Variants in SEC14L5 observed in about 807,000 individuals in gnomAD.
SEC14L5 encodes SEC14-like protein 5.
Under a neutral mutation model 84.6 loss-of-function variants are expected in SEC14L5, and 96 were observed. That is an observed-to-expected ratio of 1.13 (90% CI 0.96 to 1.34). The LOEUF is 1.34. Among genes scored for constraint, SEC14L5 ranks in the 40% most tolerant of loss-of-function variants. The pLI is 0.00. For synonymous variants in SEC14L5, 546 were observed against 383.4 expected, an observed-to-expected ratio of 1.42 and a Z score of -4.95; for missense variants, 1,224 against 942.5, an observed-to-expected ratio of 1.30 and a Z score of -3.91.
At chr16:4,966,845 G>A (rs1350125159) in intron 2 of SEC14L5, among the ~76,000 whole-genome samples, 1 of 152,214 alleles carries the variant, frequency 6.6e-6, no homozygotes, top group Non-Finnish European at 1.5e-5. Context: ...CCCAGCGGAG[G>A]CAGTTACCAT....
rs751564711 is a variant in SEC14L5, at chr16:5,011,236, C to G, written c.1942C>G (p.Leu648Val). 17 of 1,613,904 alleles carry G rather than the reference C, an allele frequency of 1.1e-5. No homozygotes were observed. The highest frequency in any genetic ancestry group is 1.4e-5 in the Non-Finnish European group (17 of 1,179,874). ...CAGCCCCGGGCCCAAGTGCAAACTT[C>G]TCTACTACTGTGAGGTGCTCGCCTC... ...LHSPGPKCKL[L>V]YYCEVLASED... The change falls in exon 15 of 16, where the codon CTC becomes GTC. Residue 648 changes from leucine (L) to valine (V), a missense_variant. Coordinates refer to ENST00000251170, the MANE Select transcript of SEC14L5 (RefSeq NM_014692.2).
chr16:5,014,820 C>A, intron 15 of SEC14L5, 39 bp from the exon 16 acceptor site: 2 of 1,515,760 alleles, frequency 1.3e-6, no homozygotes, highest in Non-Finnish European at 1.8e-6. Context: ...GGCCTTGTCA[C>A]TGTGAGAGGG....
rs538922508 is a variant in SEC14L5, at chr16:4,970,372, A to G, written c.63+10986A>G. Among the ~76,000 whole-genome samples the G allele has an allele frequency of 2.0e-5, 3 of 152,234 alleles. No individual in the cohort carries two copies. In the East Asian group the frequency reaches 5.8e-4, roughly 29 times the overall value. On this transcript the variant is annotated intron_variant, in intron 2 of 15. Transcript: ENST00000251170. ...CCTATGCAAAGGCCAATGGGGCAGA[A>G]CTTGTCTCTCAAAGAAGTGAACTAG...
intron 14 of SEC14L5, chr16:5,010,856 C>G (rs1955791666): frequency 6.1e-6 from 3 of 495,576 alleles, no homozygotes; most frequent in Non-Finnish European, 1.1e-5. Context: ...ACCCCCACCC[C>G]CAGGCGTCAG....
rs1466170154 is a variant in SEC14L5, at chr16:5,015,249, A to T, written c.*279A>T. On this transcript the variant is annotated 3_prime_UTR_variant, in exon 16 of 16. Coordinates refer to ENST00000251170, the MANE Select transcript of SEC14L5 (RefSeq NM_014692.2). ...GTGTCTACCATACCACACCTTTGGG[A>T]CATCCGGGCTTAGCGACGTCAGCCA... is the stretch of plus-strand genomic sequence containing the variant. 2.4e-6 allele frequency: 1 copy of T among 409,668 alleles called. No individual in the cohort carries two copies. The highest frequency in any genetic ancestry group is 2.0e-5 in the African/African-American group (1 of 50,058). The allele number at this position is 409,668 out of a possible 1,614,324, so 25.4% of individuals were successfully genotyped here.
chr16:4,997,024 G>C lies in SEC14L5; in HGVS notation c.950G>C (p.Gly317Ala), dbSNP rs764450682. 1.2e-6 allele frequency: 2 copies of C among 1,611,264 alleles called. No homozygotes were observed. Among genetic ancestry groups the C allele is most frequent in the African/African-American group, 2.7e-5 (2 of 74,830 alleles). Residue 317 changes from glycine (G) to alanine (A), a missense_variant, in exon 8 of 16, where the codon GGC (glycine) becomes GCC (alanine). Physicochemically the swap from Gly to Ala is moderately conservative, Grantham distance 60 (BLOSUM62 0). Coordinates refer to ENST00000251170, the MANE Select transcript of SEC14L5 (RefSeq NM_014692.2). ...PALLEEFYAGGWHYQDIDGRP... is the reference protein window; with the variant it reads ...PALLEEFYAGAWHYQDIDGRP... ...CTGCTGGAGGAGTTCTATGCAGGGG[G>C]CTGGCATTACCAGGACATAGGTGCG...
intron 2 of SEC14L5, among the ~76,000 whole-genome samples, chr16:4,969,993 T>A (rs1479568639): frequency 6.6e-6 from 1 of 152,086 alleles, no homozygotes; most frequent in African/African-American, 2.4e-5. Context: ...AATGTTTGTA[T>A]CTTTTGTATA....
intron 10 of SEC14L5, among the ~76,000 whole-genome samples, chr16:5,001,480 C>T (rs569349627): frequency 2.2e-4 from 33 of 152,068 alleles, no homozygotes; most frequent in Non-Finnish European, 3.8e-4. Flanking sequence ...AGAATGGTCT[C>T]GGTCTCCTGA....
chr16:4,964,354 C>T (rs897393042), intron 2 of SEC14L5, among the ~76,000 whole-genome samples: 10 of 151,892 alleles, frequency 6.6e-5, no homozygotes, highest in African/African-American at 1.9e-4. Context: ...TTTGGGAGGC[C>T]GAGGCAGGTG....
chr16:4,996,794 A>C, intron 7 of SEC14L5, 61 bp from the exon 8 acceptor site: 2 of 1,360,496 alleles, frequency 1.5e-6, no homozygotes, highest in Non-Finnish European at 1.0e-6. Context: ...CTGGTTCTGT[A>C]ATTTTATCTG....
intron 2 of SEC14L5, among the ~76,000 whole-genome samples, chr16:4,959,917 A>C (rs561025936): frequency 2.6e-5 from 4 of 151,992 alleles, no homozygotes; most frequent in African/African-American, 7.2e-5. Context: ...CACAAAGGAG[A>C]CTCTAGAACC....
intron 2 of SEC14L5, among the ~76,000 whole-genome samples, chr16:4,967,808 A>G (rs1352092437): frequency 6.7e-6 from 1 of 149,540 alleles, no homozygotes; most frequent in Non-Finnish European, 1.5e-5. Context: ...CCTGACCTCA[A>G]GTGACCCTGA....
chr16:4,981,515 G>T (rs1022248609), intron 2 of SEC14L5, among the ~76,000 whole-genome samples: 2 of 152,096 alleles, frequency 1.3e-5, no homozygotes, highest in African/African-American at 4.8e-5. Context: ...CAGGGGTGGT[G>T]TGGCCGCTGC....
intron 14 of SEC14L5, 47 bp downstream of exon 14, chr16:5,008,695 T>G (rs765882632): frequency 1.3e-6 from 2 of 1,514,044 alleles, no homozygotes; most frequent in South Asian, 2.3e-5. Context: ...CAGCACTGAG[T>G]GTCCACTGCG....
At position 5,016,671 on chromosome 16, in the gene SEC14L5, G is replaced by C. The variant is rs1241575200; in HGVS notation, c.*1701G>C. On this transcript the variant is annotated 3_prime_UTR_variant, in exon 16 of 16. Coordinates refer to ENST00000251170, the MANE Select transcript of SEC14L5 (RefSeq NM_014692.2). ...TCTGCTGCAGTAACTGAGCCAAGGG[G>C]TGGTTTTGTGGCCACAAGAATCATC... is the stretch of plus-strand genomic sequence containing the variant. 1.3e-5 allele frequency: 2 copies of C among 152,178 alleles called. No individual in the cohort carries two copies. The highest frequency in any genetic ancestry group is 4.8e-5 in the African/African-American group (2 of 41,442). The allele number at this position is 152,178 out of a possible 1,614,324, so 9.4% of individuals were successfully genotyped here. A position where few individuals can be genotyped will look rare whatever the true frequency, so the allele number is the denominator to read the frequency against.
At chr16:4,996,599 T>C (rs1955612326) in intron 7 of SEC14L5, 139 bp downstream of exon 7, 1 of 629,134 alleles carries the variant, frequency 1.6e-6, no homozygotes, top group Admixed American at 2.7e-5. Context: ...CATTTATTTC[T>C]GTGAGACAAA....
chr16:4,984,954 C>A (rs1197800892), intron 2 of SEC14L5, among the ~76,000 whole-genome samples: 1 of 152,196 alleles, frequency 6.6e-6, no homozygotes, highest in Non-Finnish European at 1.5e-5. Context: ...TTTCTACACA[C>A]ACATGTACAC....
intron 2 of SEC14L5, among the ~76,000 whole-genome samples, chr16:4,980,022 C>G (rs559790488): frequency 6.6e-6 from 1 of 152,272 alleles, no homozygotes; most frequent in African/African-American, 2.4e-5. Flanking sequence ...TCAGGGTTGT[C>G]GTCTGGGTCA....
intron 2 of SEC14L5, among the ~76,000 whole-genome samples, chr16:4,985,602 C>G (rs569460618): frequency 3.1e-4 from 47 of 152,138 alleles, no homozygotes; most frequent in Middle Eastern, 6.3e-3. Context: ...CTTTTCTCAT[C>G]AGATTGTCTT....
Sources: gnomAD v4.1 joint callset for allele counts (sites outside exome capture counted in the v4.1 genomes callset) on GRCh38, gnomAD v4.1.1 for gene constraint, MANE v1.5 for transcripts, NCBI Gene and HGNC (gene_info 2026-07-23, HGNC 2026-07-21) for gene names.